The following PCDH15 variants were observed in gnomAD, a reference collection of about 807,000 sequenced individuals.
PCDH15 encodes the protein protocadherin related 15, also known as protocadherin-15.
Under a neutral mutation model 178.5 loss-of-function variants are expected in PCDH15, and 129 were observed. The observed-to-expected ratio is 0.72, with a 90% CI of 0.63 to 0.84. The LOEUF is 0.84. Ranked by LOEUF, PCDH15 falls within the 40% of genes least tolerant of loss-of-function variation. The pLI is 0.00. For missense variants in PCDH15, 2,230 were observed against 2,099.9 expected (o/e 1.06, Z -1.21); for synonymous variants, 800 against 732.0 (o/e 1.09, Z -1.50).
intron 1 of PCDH15, among the ~76,000 whole-genome samples, chr10:54,741,743 C>T (rs1944835948): frequency 6.6e-6 from 1 of 151,896 alleles, no homozygotes; most frequent in Admixed American, 6.6e-5. Context: ...TCTTTAAAAC[C>T]AGCAATGGCC....
intron 2 of PCDH15, among the ~76,000 whole-genome samples, chr10:55,065,926 T>A (rs753195372): frequency 5.9e-5 from 9 of 152,130 alleles, no homozygotes; most frequent in Non-Finnish European, 1.2e-4. Context: ...TGTGATTCAG[T>A]TTTTATTACT....
At chr10:53,809,683 TC>T (rs2132377772) in intron 37 of PCDH15, 3 of 831,106 alleles carry the variant, frequency 3.6e-6, no homozygotes, top group South Asian at 3.4e-5. Flanking sequence ...AAGAAAATAA[TC>T]ACAAAAATTT....
chr10:54,203,367 T>C (rs2050447292), intron 10 of PCDH15, among the ~76,000 whole-genome samples: 1 of 152,174 alleles, frequency 6.6e-6, no homozygotes, highest in South Asian at 2.1e-4. Context: ...TTTAGGTATG[T>C]TGGTGTATGT....
intron 7 of PCDH15, among the ~76,000 whole-genome samples, chr10:54,328,971 G>A (rs1938797304): frequency 6.6e-6 from 1 of 151,858 alleles, no homozygotes; most frequent in Non-Finnish European, 1.5e-5. Context: ...AGCATGTAAG[G>A]ATATCTATGT....
chr10:54,211,817 G>A (rs2051471759), intron 10 of PCDH15, among the ~76,000 whole-genome samples: 1 of 151,972 alleles, frequency 6.6e-6, no homozygotes, highest in Non-Finnish European at 1.5e-5. Flanking sequence ...GCATTTCAAT[G>A]GTCCCCTGAA....
chr10:54,847,182 C>T (rs1381972052), intron 3 of PCDH15, among the ~76,000 whole-genome samples: 1 of 152,100 alleles, frequency 6.6e-6, no homozygotes, highest in Non-Finnish European at 1.5e-5. Context: ...GATTCATAAT[C>T]ATGAAGACTA....
intron 31 of PCDH15, among the ~76,000 whole-genome samples, chr10:53,828,316 C>A (rs987037439): frequency 3.4e-5 from 5 of 147,364 alleles, no homozygotes; most frequent in African/African-American, 1.0e-4. Context: ...TGATTAATTT[C>A]TTCCTCAAAA....
chr10:54,380,922 C>A (rs1021808999), intron 3 of PCDH15, among the ~76,000 whole-genome samples: 8 of 150,964 alleles, frequency 5.3e-5, no homozygotes, highest in African/African-American at 1.9e-4. Context: ...TGGAAAAGAT[C>A]TATAGTTTTC....
intron 16 of PCDH15, among the ~76,000 whole-genome samples, chr10:54,088,685 A>G (rs2094552815): frequency 6.6e-6 from 1 of 152,172 alleles, no homozygotes; most frequent in South Asian, 2.1e-4. Context: ...TATCTCATAT[A>G]TTGCAATTTA....
At chr10:55,300,438 G>C (rs1246691576) in intron 1 of PCDH15, among the ~76,000 whole-genome samples, 7 of 152,098 alleles carry the variant, frequency 4.6e-5, no homozygotes, top group African/African-American at 1.4e-4. Flanking sequence ...AGAGGAAAAG[G>C]ATTCTGAAAA....
chr10:54,708,469 C>G (rs1435354231), intron 1 of PCDH15, among the ~76,000 whole-genome samples: 1 of 152,060 alleles, frequency 6.6e-6, no homozygotes, highest in Non-Finnish European at 1.5e-5. Context: ...AAAATTCCAT[C>G]TATGTAGATA....
At chr10:54,005,251 G>A (rs1295587959) in intron 20 of PCDH15, among the ~76,000 whole-genome samples, 2 of 152,108 alleles carry the variant, frequency 1.3e-5, no homozygotes, top group Non-Finnish European at 2.9e-5. Flanking sequence ...ATAGGACTAG[G>A]CAAAGATTTC....
intron 26 of PCDH15, among the ~76,000 whole-genome samples, chr10:53,873,902 G>A (rs2080041201): frequency 6.6e-6 from 1 of 152,128 alleles, no homozygotes; most frequent in Non-Finnish European, 1.5e-5. Flanking sequence ...TGCCATGAGA[G>A]GACACACTAG....
chr10:53,933,766 T>C (rs1320161747), intron 25 of PCDH15, among the ~76,000 whole-genome samples: 2 of 152,150 alleles, frequency 1.3e-5, no homozygotes, highest in Non-Finnish European at 2.9e-5. Flanking sequence ...TCCACAGTGG[T>C]TGAACTAGCT....
intron 5 of PCDH15, among the ~76,000 whole-genome samples, chr10:54,351,904 G>T (rs1433298008): frequency 6.6e-6 from 1 of 152,114 alleles, no homozygotes; most frequent in Non-Finnish European, 1.5e-5. Context: ...AATACAGCAA[G>T]CACATGCAAG....
chr10:54,751,240 T>C (rs1180106421), intron 1 of PCDH15, among the ~76,000 whole-genome samples: 1 of 152,142 alleles, frequency 6.6e-6, no homozygotes, highest in Non-Finnish European at 1.5e-5. Context: ...ATCTCTACTA[T>C]GTTGAAGAAT....
chr10:54,411,527 A>G (rs983048553), intron 3 of PCDH15, among the ~76,000 whole-genome samples: 5 of 152,170 alleles, frequency 3.3e-5, no homozygotes, highest in Non-Finnish European at 7.4e-5. Context: ...TCTCTGTCCC[A>G]CAGTGCCTGG....
intron 5 of PCDH15, among the ~76,000 whole-genome samples, chr10:54,360,819 T>G (rs1945903960): frequency 6.6e-6 from 1 of 152,052 alleles, no homozygotes; most frequent in South Asian, 2.1e-4. Flanking sequence ...TTACAAAGTT[T>G]GAATAGAATA....
chr10:54,534,718 A>T (rs12252918), intron 2 of PCDH15, among the ~76,000 whole-genome samples: 153 of 152,286 alleles, frequency 1.0e-3, no homozygotes, highest in African/African-American at 2.9e-3. Flanking sequence ...TGTTCTCTTT[A>T]AATTTCATGC....
Sources: allele counts gnomAD v4.1 joint callset (sites outside exome capture counted in the v4.1 genomes callset), GRCh38; gene constraint gnomAD v4.1.1; transcripts MANE v1.5; gene names NCBI Gene and HGNC (gene_info 2026-07-23, HGNC 2026-07-21).